Variants in HDAC11 observed in about 807,000 individuals in gnomAD.
HDAC11 encodes histone deacetylase 11.
HDAC11 carries 23 observed loss-of-function variants against 41.1 expected under a neutral mutation model. The ratio of observed to expected loss-of-function variants is 0.56; its 90% CI spans 0.40 to 0.79. HDAC11 has a LOEUF of 0.79. HDAC11 is among the 30% of genes least tolerant of loss of function. The probability of loss-of-function intolerance (pLI) is 0.00; values close to 1 mark genes in which losing one functional copy is unlikely to be tolerated. For synonymous variants in HDAC11, 187 were observed against 186.6 expected, an observed-to-expected ratio of 1.00 and a Z score of -0.02; for missense variants, 402 against 477.3, an observed-to-expected ratio of 0.84 and a Z score of 1.47.
intron 3 of HDAC11, among the ~76,000 whole-genome samples, chr3:13,490,190 C>T (rs996520228): frequency 6.6e-6 from 1 of 152,072 alleles, no homozygotes; most frequent in Non-Finnish European, 1.5e-5. Context: ...GATGAGGTCT[C>T]ACCATGTTGG....
intron 3 of HDAC11, among the ~76,000 whole-genome samples, chr3:13,493,695 T>A (rs1437562724): frequency 6.6e-6 from 1 of 152,224 alleles, no homozygotes; most frequent in Non-Finnish European, 1.5e-5. Context: ...GCCAGCCTCC[T>A]CTTCACTGCC....
chr3:13,502,161 A>G lies in HDAC11; in HGVS notation c.552+228A>G, dbSNP rs1054641612. On this transcript the variant is annotated intron_variant, in intron 7 of 9. Coordinates refer to ENST00000295757, the MANE Select transcript of HDAC11 (RefSeq NM_024827.4). This position sits in a 1 kb window ranked among gnomAD's most constrained non-coding sequence, Gnocchi z 4.1. Reference sequence around the variant, plus strand: ...CCTCCCTCCTCCTGACTGCCCCCACATGAGGCTCTTCCTGAAGCCCACTCT... The same window carrying G: ...CCTCCCTCCTCCTGACTGCCCCCACGTGAGGCTCTTCCTGAAGCCCACTCT... 16 of 547,488 alleles carry G rather than the reference A, an allele frequency of 2.9e-5. No homozygotes were observed. Among genetic ancestry groups the G allele is most frequent in the African/African-American group, 2.3e-4 (12 of 52,948 alleles). 33.9% of individuals were successfully genotyped at this position (547,488 alleles called of 1,614,324 possible).
chr3:13,493,487 G>A (rs1701956618), intron 3 of HDAC11, among the ~76,000 whole-genome samples: 1 of 152,238 alleles, frequency 6.6e-6, no homozygotes, highest in Admixed American at 6.5e-5. Flanking sequence ...GCCACTGGCC[G>A]CATGTGGCTC....
intron 5 of HDAC11, among the ~76,000 whole-genome samples, chr3:13,499,331 G>A (rs577552964): frequency 5.3e-5 from 8 of 152,222 alleles, no homozygotes; most frequent in East Asian, 3.9e-4. Context: ...CACCATGCCC[G>A]GCTAATTTTG....
chr3:13,490,905 C>T (rs1701828696), intron 3 of HDAC11, among the ~76,000 whole-genome samples: 1 of 151,940 alleles, frequency 6.6e-6, no homozygotes, highest in Non-Finnish European at 1.5e-5. Context: ...TGCATGCCAC[C>T]ATGCCCAGCT....
intron 8 of HDAC11, among the ~76,000 whole-genome samples, 158 bp from the exon 9 acceptor site, chr3:13,503,936 G>A (rs1702487875): frequency 6.6e-6 from 1 of 152,170 alleles, no homozygotes; most frequent in African/African-American, 2.4e-5. Flanking sequence ...CCTTTTTGCA[G>A]CTCTTGGTGC....
In HDAC11 at chr3:13,502,933, T is replaced by C; in HGVS notation, c.602T>C (p.Met201Thr). The C allele has an allele frequency of 3.1e-6, 5 of 1,613,530 alleles. No individual in the cohort carries two copies. The highest frequency in any genetic ancestry group is 4.2e-6 in the Non-Finnish European group (5 of 1,179,902). Reference sequence around the variant, plus strand: ...ATGGACGACAAGCGTGTGTACATCATGGATGTCTACAACCGCCACATCTAC... The same window carrying C: ...ATGGACGACAAGCGTGTGTACATCACGGATGTCTACAACCGCCACATCTAC... ...DFMDDKRVYI[M>T]DVYNRHIYPG... The change falls in exon 8 of 10, where the codon ATG (methionine) becomes ACG (threonine). Residue 201 changes from methionine (M) to threonine (T), a missense_variant. Met to Thr is a moderately conservative substitution (Grantham distance 81, BLOSUM62 -1). Coordinates refer to ENST00000295757, the MANE Select transcript of HDAC11 (RefSeq NM_024827.4). This position sits in a 1 kb window ranked among gnomAD's most constrained non-coding sequence, Gnocchi z 4.1.
chr3:13,503,239 A>C (rs573817987), intron 8 of HDAC11: 3 of 313,974 alleles, frequency 9.6e-6, no homozygotes, highest in Non-Finnish European at 1.8e-5. Flanking sequence ...AAAAAGAAAA[A>C]TAGGATAAAT....
intron 3 of HDAC11, chr3:13,496,474 C>T: frequency 2.8e-6 from 1 of 353,094 alleles, no homozygotes; most frequent in Non-Finnish European, 5.1e-6. Flanking sequence ...AGCCAAGGGC[C>T]TCAGAACGCT....
intron 6 of HDAC11, 88 bp from the exon 7 acceptor site, chr3:13,501,783 C>T (rs1178287032): frequency 2.0e-5 from 25 of 1,244,354 alleles, no homozygotes; most frequent in East Asian, 7.0e-5. Flanking sequence ...CCCCCCTCCC[C>T]GCCCCTCGCC....
chr3:13,504,398 C>T, intron 9 of HDAC11, 70 bp from the exon 10 acceptor site: 2 of 1,594,818 alleles, frequency 1.3e-6, no homozygotes, highest in East Asian at 2.2e-5. Flanking sequence ...GCAGGGCTAG[C>T]CCTGCAGCAG....
chr3:13,494,561 C>G (rs1702007901), intron 3 of HDAC11, among the ~76,000 whole-genome samples: 1 of 152,314 alleles, frequency 6.6e-6, no homozygotes, highest in African/African-American at 2.4e-5. Flanking sequence ...AGCTCTTACA[C>G]TCCCACCCCT....
At chr3:13,500,879 A>G (rs1201153833) in intron 6 of HDAC11, 90 bp downstream of exon 6, 5 of 1,014,130 alleles carry the variant, frequency 4.9e-6, no homozygotes, top group Middle Eastern at 2.1e-4. Context: ...ACCCTGAATT[A>G]TAGACAAGGG....
Position 13,480,368 on chromosome 3 carries a change from G to A in HDAC11, c.2+19G>A, listed in dbSNP as rs904566697. The A allele has an allele frequency of 1.7e-6, 2 of 1,204,648 alleles. No individual in the cohort carries two copies. The highest frequency in any genetic ancestry group is 2.1e-6 in the Non-Finnish European group (2 of 968,696). The allele number at this position is 1,204,648 out of a possible 1,614,324, so 74.6% of individuals were successfully genotyped here. A position where few individuals can be genotyped will look rare whatever the true frequency, so the allele number is the denominator to read the frequency against. ...CCGGGATGTGAGTGCCGCGGGGCGAGGGCGGGGGTGGGCTCCCAGGGGTCC... is the reference window on the plus strand; with the variant it reads ...CCGGGATGTGAGTGCCGCGGGGCGAAGGCGGGGGTGGGCTCCCAGGGGTCC... On this transcript the variant is annotated intron_variant, in intron 1 of 9. Transcript: ENST00000295757. This position sits in a 1 kb window ranked among gnomAD's most constrained non-coding sequence, Gnocchi z 4.6.
At chr3:13,494,528 A>C (rs371200353) in intron 3 of HDAC11, among the ~76,000 whole-genome samples, 2 of 152,038 alleles carry the variant, frequency 1.3e-5, no homozygotes, top group African/African-American at 4.8e-5. Context: ...TGTGTCCTGC[A>C]GCTGTCTGGC....
At chr3:13,483,874 G>A (rs1460378718) in intron 3 of HDAC11, among the ~76,000 whole-genome samples, 2 of 151,976 alleles carry the variant, frequency 1.3e-5, no homozygotes, top group African/African-American at 4.8e-5. Flanking sequence ...CTGTCGACAC[G>A]CCTCCGAGAC....
Position 13,501,951 on chromosome 3 carries a change from G to A in HDAC11, c.552+18G>A. 6.2e-7 allele frequency: 1 copy of A among 1,611,388 alleles called. No homozygotes were observed. The highest frequency in any genetic ancestry group is 8.5e-7 in the Non-Finnish European group (1 of 1,177,768). ...CCCATCAGGTGAGTGCCCTGCAGGGGCTGGACTCTTAGGGGACCTGCCACC... is the reference window on the plus strand; with the variant it reads ...CCCATCAGGTGAGTGCCCTGCAGGGACTGGACTCTTAGGGGACCTGCCACC... On this transcript the variant is annotated intron_variant, in intron 7 of 9. Coordinates refer to ENST00000295757, the MANE Select transcript of HDAC11 (RefSeq NM_024827.4).
At chr3:13,490,150 C>T (rs564227421) in intron 3 of HDAC11, among the ~76,000 whole-genome samples, 21 of 152,166 alleles carry the variant, frequency 1.4e-4, no homozygotes, top group African/African-American at 4.6e-4. Context: ...CCCGGCACCA[C>T]GCCTAGCTAA....
chr3:13,488,932 TC>T (rs991085916), intron 3 of HDAC11, among the ~76,000 whole-genome samples: 5 of 150,530 alleles, frequency 3.3e-5, no homozygotes, highest in East Asian at 1.9e-4. Flanking sequence ...TTTTTTTTTT[TC>T]CCCCCCAGTG....
Sources: gnomAD v4.1 joint callset for allele counts (sites outside exome capture counted in the v4.1 genomes callset) on GRCh38, gnomAD v4.1.1 for gene constraint, Gnocchi (gnomAD v3.1) non-coding constraint, MANE v1.5 for transcripts, NCBI Gene and HGNC (gene_info 2026-07-23, HGNC 2026-07-21) for gene names.